Variants in CTNNA2 observed in about 807,000 individuals in gnomAD.
CTNNA2 encodes catenin alpha-2.
CTNNA2 carries 42 observed loss-of-function variants against 101.0 expected under a neutral mutation model. The ratio of observed to expected loss-of-function variants is 0.42; its 90% CI spans 0.32 to 0.54. The LOEUF (loss-of-function observed/expected upper bound fraction) is 0.54, where lower values mean the gene tolerates loss of function less well. Among genes scored for constraint, CTNNA2 ranks in the 20% least tolerant of loss-of-function variants. The pLI is 0.14. For missense variants in CTNNA2, 871 were observed against 1,223.1 expected (o/e 0.71, Z 4.29); for synonymous variants, 450 against 456.4 (o/e 0.99, Z 0.18).
chr2:80,068,665 TTTCTC>T (rs1308715291), intron 7 of CTNNA2, among the ~76,000 whole-genome samples: 3 of 152,194 alleles, frequency 2.0e-5, no homozygotes, highest in Non-Finnish European at 2.9e-5. Flanking sequence ...ATTTTTAACT[TTTCTC>T]TTAATAACTT....
At chr2:79,240,875 C>G (rs1674617541) in intron 2 of CTNNA2, among the ~76,000 whole-genome samples, 1 of 152,092 alleles carries the variant, frequency 6.6e-6, no homozygotes, top group Non-Finnish European at 1.5e-5. Context: ...ATTTTGGGAT[C>G]CCCTATACTT....
intron 12 of CTNNA2, 108 bp downstream of exon 12, chr2:80,556,001 C>A (rs373282958): frequency 1.4e-6 from 1 of 734,082 alleles, no homozygotes; most frequent in Non-Finnish European, 2.1e-6. Context: ...TTCTAAATTG[C>A]ACATAATTGT....
chr2:80,403,788 T>C (rs562124413), intron 8 of CTNNA2, among the ~76,000 whole-genome samples: 2 of 152,338 alleles, frequency 1.3e-5, no homozygotes, highest in African/African-American at 4.8e-5. Context: ...GTTCCATCAA[T>C]ACCTAGTTTA....
intron 9 of CTNNA2, among the ~76,000 whole-genome samples, chr2:80,467,556 G>A (rs927327686): frequency 2.0e-5 from 3 of 152,110 alleles, no homozygotes; most frequent in South Asian, 2.1e-4. Context: ...TTATTTCTAC[G>A]AAAACAAGAG....
At position 80,219,546 on chromosome 2, in the gene CTNNA2, G is replaced by T. The variant is rs368146802; in HGVS notation, c.1057-173665G>T. 2.6e-5 allele frequency among the ~76,000 whole-genome samples: 4 copies of T among 151,956 alleles called. No individual in the cohort carries two copies. The East Asian group carries it at 7.7e-4, about 29-fold the overall frequency. The stretch of plus-strand genomic sequence containing the variant: ...TATATACTACCTAATTTAAGATCTA[G>T]AATACCAGTCTGTGTCCAGACTACT... On this transcript the variant is annotated intron_variant, in intron 7 of 18. Transcript: ENST00000402739.
intron 7 of CTNNA2, among the ~76,000 whole-genome samples, chr2:79,979,964 T>C (rs1252693155): frequency 6.6e-6 from 1 of 152,196 alleles, no homozygotes; most frequent in Admixed American, 6.6e-5. Context: ...CTTTGTGTTC[T>C]CATCTATAAC....
chr2:80,268,032 C>T (rs919925682), intron 7 of CTNNA2, among the ~76,000 whole-genome samples: 1 of 152,222 alleles, frequency 6.6e-6, no homozygotes, highest in Non-Finnish European at 1.5e-5. Flanking sequence ...CTCTGGTAAA[C>T]AGGAAGTAGG....
rs532960917 is a variant in CTNNA2 at position 79,715,067 on chromosome 2, C to T, written c.103-29320C>T. On this transcript the variant is annotated intron_variant, in intron 2 of 18. Coordinates refer to ENST00000402739, the MANE Select transcript of CTNNA2 (RefSeq NM_001282597.3). ...AAAAAAAAAAAAAAAATTAACCAGG[C>T]GTGGTGGTGGATGCCTGTAATCCCA... is the stretch of plus-strand genomic sequence containing the variant. Among the ~76,000 whole-genome samples the T allele has an allele frequency of 1.6e-3, 237 of 149,098 alleles. 1 individual carries two copies. The highest frequency in any genetic ancestry group is 5.1e-3 in the African/African-American group (206 of 40,390).
chr2:79,812,462 G>A (rs1199378843), intron 3 of CTNNA2, among the ~76,000 whole-genome samples: 2 of 152,056 alleles, frequency 1.3e-5, no homozygotes, highest in African/African-American at 4.8e-5. Context: ...TTTTTCAGCG[G>A]CATTTATTTG....
Position 80,601,930 on chromosome 2 carries a change from T to C in CTNNA2, c.2190-2144T>C, listed in dbSNP as rs1245126066. ...CGTTACTTTAGCTGTTAAGAATGAA[T>C]CATATTTAGAAAAAAAGTGTACTAA... On this transcript the variant is annotated intron_variant, in intron 15 of 18. Transcript: ENST00000402739. The C allele has an allele frequency of 2.0e-5, 3 of 152,118 alleles. No homozygotes were observed. In the East Asian group the frequency reaches 5.8e-4, roughly 29 times the overall value. The allele number at this position is 152,118 out of a possible 1,614,324, so 9.4% of individuals were successfully genotyped here.
At chr2:79,413,466 G>T (rs1054212903) in intron 4 of CTNNA2, among the ~76,000 whole-genome samples, 1 of 151,880 alleles carries the variant, frequency 6.6e-6, no homozygotes, top group African/African-American at 2.4e-5. Context: ...GTCACTCATT[G>T]ACAGACACTT....
intron 7 of CTNNA2, among the ~76,000 whole-genome samples, chr2:80,078,733 TTTTGC>T (rs1698923108): frequency 6.6e-6 from 1 of 152,226 alleles, no homozygotes; most frequent in Non-Finnish European, 1.5e-5. Context: ...TTTTGTTTTG[TTTTGC>T]TTTGCTTTGT....
At chr2:79,766,064 A>G (rs533629049) in intron 3 of CTNNA2, among the ~76,000 whole-genome samples, 121 of 152,294 alleles carry the variant, frequency 7.9e-4, no homozygotes, top group Non-Finnish European at 3.1e-4. Context: ...TAGTTTACAC[A>G]CCGCAGTCAG....
intron 9 of CTNNA2, among the ~76,000 whole-genome samples, chr2:80,531,757 G>C (rs141899829): frequency 1.6e-4 from 24 of 152,272 alleles, no homozygotes; most frequent in African/African-American, 5.5e-4. Context: ...GCTTCTCCTC[G>C]ATCCACTTAA....
intron 9 of CTNNA2, among the ~76,000 whole-genome samples, chr2:80,466,440 A>T (rs928510883): frequency 6.6e-6 from 1 of 152,204 alleles, no homozygotes; most frequent in Non-Finnish European, 1.5e-5. Context: ...GTTTCTGGAC[A>T]GTTATGGATG....
chr2:79,889,618 A>C lies in CTNNA2; in HGVS notation c.852+15276A>C, dbSNP rs192781083. On this transcript the variant is annotated intron_variant, in intron 6 of 18. Coordinates refer to ENST00000402739, the MANE Select transcript of CTNNA2 (RefSeq NM_001282597.3). ...AAAATGAGATAATAATGTTGACTCC[A>C]AGTTGGTGGTAGTTTTGTGGGATGA... 3.6e-3 allele frequency among the ~76,000 whole-genome samples: 546 copies of C among 152,290 alleles called. 3 individuals are homozygous for C. The highest frequency in any genetic ancestry group is 0.012 in the African/African-American group (483 of 41,550).
At chr2:80,136,271 C>T (rs1345475514) in intron 7 of CTNNA2, among the ~76,000 whole-genome samples, 1 of 152,120 alleles carries the variant, frequency 6.6e-6, no homozygotes, top group Non-Finnish European at 1.5e-5. Flanking sequence ...GAAACTTTGC[C>T]AAAACCTGGC....
intron 9 of CTNNA2, among the ~76,000 whole-genome samples, chr2:80,542,097 T>A (rs1691613974): frequency 7.7e-6 from 1 of 129,076 alleles, no homozygotes; most frequent in Admixed American, 7.6e-5. Flanking sequence ...TATATAGCTC[T>A]AAAAGCTATA....
intron 7 of CTNNA2, among the ~76,000 whole-genome samples, chr2:80,121,178 G>T (rs1701812616): frequency 6.6e-6 from 1 of 152,168 alleles, no homozygotes. Flanking sequence ...GCAGACCATT[G>T]AATACCACAG....
Sources: allele counts gnomAD v4.1 joint callset (sites outside exome capture counted in the v4.1 genomes callset), GRCh38; gene constraint gnomAD v4.1.1; transcripts MANE v1.5; gene names NCBI Gene and HGNC (gene_info 2026-07-23, HGNC 2026-07-21).